MSRA: variants seen among roughly 807,000 people sequenced by gnomAD.
The protein encoded by MSRA is mitochondrial peptide methionine sulfoxide reductase.
MSRA carries 54 observed loss-of-function variants against 31.3 expected under a neutral mutation model. The observed-to-expected ratio is 1.73, with a 90% CI of 1.39 to 2.17. MSRA has a LOEUF of 2.17. Ranked by LOEUF, MSRA falls within the 30% of genes most tolerant of loss-of-function variation. The pLI, the probability that MSRA is intolerant of heterozygous loss-of-function variation, is 0.00. For synonymous variants in MSRA, 169 were observed against 116.5 expected, an observed-to-expected ratio of 1.45 and a Z score of -2.90; for missense variants, 507 against 300.9, an observed-to-expected ratio of 1.69 and a Z score of -5.07.
rs371448563 is a variant in MSRA, at chr8:10,204,496, T to C, written c.143-3337T>C. Among the ~76,000 whole-genome samples, 263 of 152,324 alleles carry C rather than the reference T, an allele frequency of 1.7e-3. 4 individuals are homozygous for C. The South Asian group carries it at 0.051, about 30-fold the overall frequency. ...TAGATATCTAGATCACAAATACTTATCATTGTATTACAGTTGACTACAGTA... is the reference window on the plus strand; with the variant it reads ...TAGATATCTAGATCACAAATACTTACCATTGTATTACAGTTGACTACAGTA... On this transcript the variant is annotated intron_variant, in intron 1 of 5. Coordinates refer to ENST00000317173, the MANE Select transcript of MSRA (RefSeq NM_012331.5).
intron 5 of MSRA, among the ~76,000 whole-genome samples, chr8:10,395,742 A>G (rs551685572): frequency 2.2e-4 from 34 of 152,318 alleles, no homozygotes; most frequent in African/African-American, 7.9e-4. Context: ...TCAGCACCAG[A>G]CACTGGGAAA....
chr8:10,237,567 T>A lies in MSRA; in HGVS notation c.212-7537T>A, dbSNP rs574578793. The stretch of plus-strand genomic sequence containing the variant: ...AAGCTGAATAGTAATAGGCCAAGAG[T>A]AACAAAGAAAAATTTGAAGAAGTAT... On this transcript the variant is annotated intron_variant, in intron 2 of 5. Coordinates refer to ENST00000317173, the MANE Select transcript of MSRA (RefSeq NM_012331.5). Among the ~76,000 whole-genome samples, 24 of 152,194 alleles carry A rather than the reference T, an allele frequency of 1.6e-4. No individual in the cohort carries two copies. The South Asian group carries it at 4.2e-3, about 26-fold the overall frequency.
chr8:10,315,437 G>A (rs1413071456), intron 4 of MSRA, among the ~76,000 whole-genome samples: 2 of 152,234 alleles, frequency 1.3e-5, no homozygotes, highest in Non-Finnish European at 2.9e-5. Flanking sequence ...TGGTGGTGAT[G>A]TGAGTATTCA....
intron 1 of MSRA, among the ~76,000 whole-genome samples, chr8:10,191,649 A>G (rs1318311453): frequency 2.0e-5 from 3 of 152,202 alleles, no homozygotes; most frequent in Non-Finnish European, 2.9e-5. Context: ...AATAAACCAC[A>G]TAGAGATAGT....
chr8:10,238,115 C>T (rs570066996), intron 2 of MSRA, among the ~76,000 whole-genome samples: 14 of 152,292 alleles, frequency 9.2e-5, no homozygotes, highest in Non-Finnish European at 1.9e-4. Flanking sequence ...CTTGTTTATT[C>T]CACTCAAGCC....
intron 5 of MSRA, among the ~76,000 whole-genome samples, chr8:10,426,635 C>G (rs115484054): frequency 6.6e-6 from 1 of 152,212 alleles, no homozygotes; most frequent in Non-Finnish European, 1.5e-5. Flanking sequence ...GGAATGCAGT[C>G]TGCGAGCTTT....
intron 1 of MSRA, among the ~76,000 whole-genome samples, chr8:10,093,467 T>G (rs1798958862): frequency 6.6e-6 from 1 of 152,190 alleles, no homozygotes; most frequent in Non-Finnish European, 1.5e-5. Flanking sequence ...CTCTGTTCTA[T>G]TCCTTCTTTA....
In MSRA at chr8:10,385,180, T is replaced by A. The variant is rs138354950; in HGVS notation, c.544-42968T>A. ...GGGGAAACACCAGGAGTAAGGGGGATTGTGGCTAAAGTGACCTAACAGGAT... is the reference window on the plus strand; with the variant it reads ...GGGGAAACACCAGGAGTAAGGGGGAATGTGGCTAAAGTGACCTAACAGGAT... On this transcript the variant is annotated intron_variant, in intron 5 of 5. Coordinates refer to ENST00000317173, the MANE Select transcript of MSRA (RefSeq NM_012331.5). Among the ~76,000 whole-genome samples the A allele has an allele frequency of 3.1e-3, 476 of 152,012 alleles. 3 individuals are homozygous for A. Among genetic ancestry groups the A allele is most frequent in the African/African-American group, 0.01 (422 of 41,466 alleles).
chr8:10,372,820 A>G (rs940435596), intron 5 of MSRA, among the ~76,000 whole-genome samples: 6 of 152,262 alleles, frequency 3.9e-5, no homozygotes, highest in African/African-American at 9.6e-5. Context: ...AGAAACTCCA[A>G]TAAAGCTAAA....
At chr8:10,345,423 C>T (rs922915436) in intron 5 of MSRA, among the ~76,000 whole-genome samples, 3 of 152,130 alleles carry the variant, frequency 2.0e-5, no homozygotes, top group Admixed American at 2.0e-4. Context: ...TCACATTCCT[C>T]ATGAATGAAG....
chr8:10,215,338 C>G (rs971924886), intron 2 of MSRA, among the ~76,000 whole-genome samples: 5 of 152,216 alleles, frequency 3.3e-5, no homozygotes, highest in African/African-American at 1.2e-4. Flanking sequence ...CATCTCTCAT[C>G]TGTAACATGA....
intron 5 of MSRA, among the ~76,000 whole-genome samples, chr8:10,341,175 G>T (rs1803404241): frequency 6.6e-6 from 1 of 152,200 alleles, no homozygotes; most frequent in African/African-American, 2.4e-5. Context: ...AAATACCTGA[G>T]ACTGAGTAAT....
Position 10,283,160 on chromosome 8 carries a change from A to ACACACACACTCTCTCTCTCTCTCT in MSRA, c.332-18373_332-18372insACACACACTCTCTCTCTCTCTCTC. ...CACACACACACACACACACACACACACTCTCACCCTTCTCTTTGCTGGGGA... is the reference window on the plus strand; with the variant it reads ...CACACACACACACACACACACACACACACACACACTCTCTCTCTCTCTCTCTCTCACCCTTCTCTTTGCTGGGGA... On this transcript the variant is annotated intron_variant, in intron 3 of 5. Coordinates refer to ENST00000317173, the MANE Select transcript of MSRA (RefSeq NM_012331.5). Among the ~76,000 whole-genome samples, 108 of 140,302 alleles carry ACACACACACTCTCTCTCTCTCTCT rather than the reference A, an allele frequency of 7.7e-4. No homozygotes were observed. In the East Asian group the frequency reaches 8.3e-3, roughly 11 times the overall value. 92.0% of individuals were successfully genotyped at this position (140,302 alleles called of 152,430 possible).
At chr8:10,307,012 G>C (rs996345377) in intron 4 of MSRA, among the ~76,000 whole-genome samples, 1 of 152,176 alleles carries the variant, frequency 6.6e-6, no homozygotes, top group African/African-American at 2.4e-5. Context: ...TTGCTTAGCA[G>C]AAGAGGAGCA....
intron 5 of MSRA, among the ~76,000 whole-genome samples, chr8:10,358,018 G>A (rs1480145539): frequency 6.6e-6 from 1 of 152,160 alleles, no homozygotes; most frequent in Non-Finnish European, 1.5e-5. Context: ...TGCTTCCTGG[G>A]TCCAAGCAAT....
At chr8:10,374,971 T>C (rs1260753869) in intron 5 of MSRA, among the ~76,000 whole-genome samples, 15 of 152,206 alleles carry the variant, frequency 9.9e-5, no homozygotes, top group Admixed American at 5.9e-4. Context: ...TCTCTCACTA[T>C]GCGATATGCC....
intron 1 of MSRA, among the ~76,000 whole-genome samples, chr8:10,127,370 G>A (rs1801577646): frequency 6.6e-6 from 1 of 152,124 alleles, no homozygotes; most frequent in Non-Finnish European, 1.5e-5. Context: ...TACAGTGTGT[G>A]GCTTGTTTTG....
At chr8:10,416,456 G>C (rs756591458) in intron 5 of MSRA, among the ~76,000 whole-genome samples, 1 of 152,216 alleles carries the variant, frequency 6.6e-6, no homozygotes, top group Non-Finnish European at 1.5e-5. Context: ...GGGTTTGTCA[G>C]TGTCCTTATG....
chr8:10,414,444 T>G (rs1302427477), intron 5 of MSRA, among the ~76,000 whole-genome samples: 1 of 152,210 alleles, frequency 6.6e-6, no homozygotes, highest in Admixed American at 6.5e-5. Flanking sequence ...CCATCTCAGT[T>G]TGCCAGGACT....
Sources: allele counts gnomAD v4.1 joint callset (sites outside exome capture counted in the v4.1 genomes callset), GRCh38; gene constraint gnomAD v4.1.1; transcripts MANE v1.5; gene names NCBI Gene and HGNC (gene_info 2026-07-23, HGNC 2026-07-21).